The following MED27 variants were observed in gnomAD, a reference collection of about 807,000 sequenced individuals.
The protein encoded by MED27 is mediator of RNA polymerase II transcription subunit 27.
Under a neutral mutation model 38.2 loss-of-function variants are expected in MED27, and 30 were observed. That is an observed-to-expected ratio of 0.79 (90% CI 0.59 to 1.07). The LOEUF is 1.07. Among genes scored for constraint, MED27 ranks in the 50% least tolerant of loss-of-function variants. The probability of loss-of-function intolerance (pLI) is 0.00; values close to 1 mark genes in which losing one functional copy is unlikely to be tolerated. For missense variants in MED27, 289 were observed against 397.5 expected (o/e 0.73, Z 2.32); for synonymous variants, 122 against 153.5 (o/e 0.79, Z 1.52).
intron 2 of MED27, among the ~76,000 whole-genome samples, chr9:132,017,796 A>C (rs1589268696): frequency 6.6e-6 from 1 of 152,188 alleles, no homozygotes; most frequent in East Asian, 1.9e-4. Flanking sequence ...TCAGTTCTCA[A>C]CCTAAAGCCC....
chr9:131,888,644 G>T (rs115952171), intron 5 of MED27, among the ~76,000 whole-genome samples: 106 of 152,306 alleles, frequency 7.0e-4, no homozygotes, highest in African/African-American at 2.5e-3. Context: ...GCCACACGAG[G>T]TTCCAACTTT....
intron 6 of MED27, chr9:131,868,669 C>T (rs967195263): frequency 9.1e-6 from 9 of 985,362 alleles, no homozygotes; most frequent in African/African-American, 3.5e-5. Context: ...TGTGGGAGCC[C>T]GAACACTGGG....
chr9:132,003,015 C>A lies in MED27; in HGVS notation c.479+11322G>T, dbSNP rs1832279299. ...ATCTGAAACAAAAGAGTTTCACTTA[C>A]AACCAGCATTAGTTGGGGGACAGCA... On this transcript the variant is annotated intron_variant, in intron 3 of 7. Coordinates refer to ENST00000292035, the MANE Select transcript of MED27 (RefSeq NM_004269.4). This position sits in a 1 kb window ranked among gnomAD's most constrained non-coding sequence, Gnocchi z 4.2. Among the ~76,000 whole-genome samples the A allele has an allele frequency of 6.6e-6, 1 of 151,608 alleles. No homozygotes were observed. Among genetic ancestry groups the A allele is most frequent in the African/African-American group, 2.4e-5 (1 of 41,276 alleles).
chr9:131,938,537 A>C (rs973288257), intron 4 of MED27, among the ~76,000 whole-genome samples: 4 of 152,132 alleles, frequency 2.6e-5, no homozygotes, highest in African/African-American at 9.7e-5. Context: ...TGTATTTCCA[A>C]AACACACCTG....
At chr9:132,029,268 G>A (rs926796633) in intron 2 of MED27, among the ~76,000 whole-genome samples, 8 of 152,160 alleles carry the variant, frequency 5.3e-5, no homozygotes, top group African/African-American at 1.9e-4. Flanking sequence ...TACAGAACAT[G>A]CATTGCACAA....
In MED27 at chr9:131,899,057, A is replaced by G. The variant is rs1375753791; in HGVS notation, c.574-5065T>C. On this transcript the variant is annotated intron_variant, in intron 4 of 7. Transcript: ENST00000292035. The stretch of plus-strand genomic sequence containing the variant: ...TCAGAGTGACTGTGAGGAGTCAGTG[A>G]GACAATGCACAGGTGAAGGGGATGG... Among the ~76,000 whole-genome samples the G allele has an allele frequency of 3.9e-5, 6 of 152,210 alleles. 1 individual carries two copies. Among genetic ancestry groups the G allele is most frequent in the African/African-American group, 1.4e-4 (6 of 41,456 alleles).
intron 3 of MED27, among the ~76,000 whole-genome samples, chr9:131,947,773 C>G (rs1046969512): frequency 2.0e-5 from 3 of 152,106 alleles, no homozygotes; most frequent in Non-Finnish European, 4.4e-5. Flanking sequence ...ATTTAAATAG[C>G]ACTTACCCCA....
chr9:131,921,402 A>G (rs1830389095), intron 4 of MED27, among the ~76,000 whole-genome samples: 1 of 152,220 alleles, frequency 6.6e-6, no homozygotes, highest in East Asian at 1.9e-4. Context: ...CTTAGTTCAC[A>G]TTCTACTGTA....
chr9:131,953,097 G>C (rs1831031108), intron 3 of MED27, among the ~76,000 whole-genome samples: 1 of 152,246 alleles, frequency 6.6e-6, no homozygotes, highest in Non-Finnish European at 1.5e-5. Context: ...CATGCGCTCT[G>C]CTTAACTGAA....
chr9:131,875,653 A>T (rs1250836437), intron 6 of MED27, among the ~76,000 whole-genome samples: 1 of 152,214 alleles, frequency 6.6e-6, no homozygotes, highest in Non-Finnish European at 1.5e-5. Context: ...ATTCAACTTC[A>T]CACCAAGTCT....
intron 3 of MED27, among the ~76,000 whole-genome samples, chr9:131,950,102 C>T (rs555801059): frequency 1.3e-5 from 2 of 152,072 alleles, no homozygotes; most frequent in South Asian, 4.2e-4. Context: ...TTTAATGTCA[C>T]TCAACAGCTA....
At chr9:131,900,938 A>AGGGAGGGAGAGAAAAAGAGG (rs1829933165) in intron 4 of MED27, among the ~76,000 whole-genome samples, 1 of 146,604 alleles carries the variant, frequency 6.8e-6, no homozygotes, top group Admixed American at 6.9e-5. Context: ...AGGGAGAGAG[A>AGGGAGGGAGAGAAAAAGAGG]GGGAGGGAGA....
chr9:131,877,100 T>TG (rs1838948889), intron 6 of MED27, among the ~76,000 whole-genome samples: 1 of 152,044 alleles, frequency 6.6e-6, no homozygotes, highest in South Asian at 2.1e-4. Context: ...CCTCTGAGTG[T>TG]GGGGGTCTCA....
At chr9:131,995,363 T>A (rs1033960486) in intron 3 of MED27, among the ~76,000 whole-genome samples, 1 of 151,844 alleles carries the variant, frequency 6.6e-6, no homozygotes. Flanking sequence ...CCCAACAGCA[T>A]GGACTTGCAC....
intron 2 of MED27, among the ~76,000 whole-genome samples, chr9:132,022,194 C>T (rs1205864032): frequency 6.6e-6 from 1 of 152,136 alleles, no homozygotes; most frequent in African/African-American, 2.4e-5. Context: ...GCCTATGTTT[C>T]TACTGGGGGA....
In MED27 at chr9:132,044,792, T is replaced by C. The variant is rs562267496; in HGVS notation, c.349-30325A>G. Among the ~76,000 whole-genome samples, 28 of 152,362 alleles carry C rather than the reference T, an allele frequency of 1.8e-4. No individual in the cohort carries two copies. The South Asian group carries it at 4.3e-3, about 24-fold the overall frequency. ...AATTTTTTTTCCCCTTCATTTCTGG[T>C]TAGTTTTCATTTAATGAGAACTCTT... On this transcript the variant is annotated intron_variant, in intron 2 of 7. Coordinates refer to ENST00000292035, the MANE Select transcript of MED27 (RefSeq NM_004269.4).
intron 4 of MED27, among the ~76,000 whole-genome samples, chr9:131,933,406 A>C (rs903164041): frequency 1.3e-5 from 2 of 152,220 alleles, no homozygotes; most frequent in African/African-American, 4.8e-5. Context: ...CAAATTCAGT[A>C]AAGTTGAAGG....
At chr9:131,925,069 C>A (rs527948258) in intron 4 of MED27, among the ~76,000 whole-genome samples, 10 of 152,278 alleles carry the variant, frequency 6.6e-5, no homozygotes, top group East Asian at 1.9e-4. Context: ...TTAAAAATAT[C>A]TCTAGGCCTT....
At position 131,969,966 on chromosome 9, in the gene MED27, T is replaced by TG. The variant is rs200376925; in HGVS notation, c.480-30493dup. Reference sequence around the variant, plus strand: ...ATCAGCAGCCATGAGGCTGGAGGGCTGGGGGGGGGTGGGGGCATAGGAGGG... The same window carrying TG: ...ATCAGCAGCCATGAGGCTGGAGGGCTGGGGGGGGGGTGGGGGCATAGGAGGG... On this transcript the variant is annotated intron_variant, in intron 3 of 7. Transcript: ENST00000292035. Among the ~76,000 whole-genome samples, 1,429 of 150,218 alleles carry TG rather than the reference T, an allele frequency of 9.5e-3. 5 individuals carry two copies. The highest frequency in any genetic ancestry group is 0.013 in the Non-Finnish European group (901 of 67,294).
Sources: allele counts gnomAD v4.1 joint callset (sites outside exome capture counted in the v4.1 genomes callset), GRCh38; gene constraint gnomAD v4.1.1; non-coding constraint Gnocchi (gnomAD v3.1); transcripts MANE v1.5; gene names NCBI Gene and HGNC (gene_info 2026-07-23, HGNC 2026-07-21).